ESRRG: variants seen among roughly 807,000 people sequenced by gnomAD.
ESRRG encodes estrogen related receptor gamma.
ESRRG carries 13 observed loss-of-function variants against 44.0 expected under a neutral mutation model. That is an observed-to-expected ratio of 0.30 (90% CI 0.19 to 0.47). The LOEUF is 0.47. Among genes scored for constraint, ESRRG ranks in the 20% least tolerant of loss-of-function variants. ESRRG has a pLI of 1.00. For missense variants in ESRRG, 395 were observed against 580.6 expected (o/e 0.68, Z 3.29); for synonymous variants, 215 against 214.6 (o/e 1.00, Z -0.02).
Position 216,564,605 on chromosome 1 carries a change from T to C in ESRRG, c.701-225A>G, listed in dbSNP as rs546710832. Among the ~76,000 whole-genome samples, 9 of 152,284 alleles carry C rather than the reference T, an allele frequency of 5.9e-5. No homozygotes were observed. The East Asian group carries it at 1.5e-3, about 26-fold the overall frequency. ...AGAATGTAGTCTTTTTTTTTCTTCT[T>C]TGCTCTACCTGCTTTTGCTGGAATG... On this transcript the variant is annotated intron_variant, in intron 4 of 6. Coordinates refer to ENST00000408911, the MANE Select transcript of ESRRG (RefSeq NM_001438.4).
At chr1:216,701,539 T>C (rs2081390328) in intron 1 of ESRRG, 2 of 152,232 alleles carry the variant, frequency 1.3e-5, no homozygotes, top group South Asian at 2.1e-4. Context: ...TTAATCTATA[T>C]GTTTTAAGAA....
chr1:217,024,353 AT>A (rs2080861226), intron 1 of ESRRG, among the ~76,000 whole-genome samples: 1 of 138,220 alleles, frequency 7.2e-6, no homozygotes. Context: ...GCAAGAGTCC[AT>A]TTAAAAAAAA....
At position 216,530,968 on chromosome 1, in the gene ESRRG, C is replaced by T. The variant is rs2049199065; in HGVS notation, c.863-11547G>A. 2.0e-5 allele frequency among the ~76,000 whole-genome samples: 3 copies of T among 151,930 alleles called. No individual in the cohort carries two copies. The South Asian group carries it at 6.2e-4, about 32-fold the overall frequency. ...CTTCAGGTGTGCTTTTCTCAATTTT[C>T]CTAAAATAGAAACTATAACTCAGTG... is the stretch of plus-strand genomic sequence containing the variant. On this transcript the variant is annotated intron_variant, in intron 5 of 6. Transcript: ENST00000408911.
At chr1:216,765,248 A>C (rs576180711) in intron 2 of ESRRG, among the ~76,000 whole-genome samples, 4 of 152,192 alleles carry the variant, frequency 2.6e-5, no homozygotes, top group Admixed American at 2.6e-4. Flanking sequence ...AACATCACAA[A>C]TAAAACAGCT....
chr1:216,552,562 C>T (rs546574356), intron 5 of ESRRG, among the ~76,000 whole-genome samples: 2 of 152,268 alleles, frequency 1.3e-5, no homozygotes, highest in East Asian at 3.9e-4. Flanking sequence ...TCTCAGCAAT[C>T]CATACAGTAG....
chr1:217,070,828 G>T (rs562563424), intron 1 of ESRRG, among the ~76,000 whole-genome samples: 1 of 152,182 alleles, frequency 6.6e-6, no homozygotes. Context: ...GAGTAGAAGA[G>T]TTCACTTGAT....
chr1:216,640,325 T>C (rs1286110063), intron 3 of ESRRG, among the ~76,000 whole-genome samples: 1 of 152,120 alleles, frequency 6.6e-6, no homozygotes, highest in Non-Finnish European at 1.5e-5. Context: ...TAATTGGCTT[T>C]GGGGAAGCCG....
At chr1:217,009,702 CTTTTTTTTTT>C (rs11325118) in intron 1 of ESRRG, among the ~76,000 whole-genome samples, 1 of 106,386 alleles carries the variant, frequency 9.4e-6, no homozygotes, top group Non-Finnish European at 1.9e-5. Flanking sequence ...TTTTCTTTTT[CTTTTTTTTTT>C]TTTTTTTTTT....
intron 5 of ESRRG, among the ~76,000 whole-genome samples, chr1:216,561,491 T>C (rs1270595785): frequency 6.6e-6 from 1 of 152,166 alleles, no homozygotes; most frequent in Non-Finnish European, 1.5e-5. Context: ...GATTGGTTCA[T>C]GTTATCAAGA....
intron 1 of ESRRG, among the ~76,000 whole-genome samples, chr1:217,029,264 T>C (rs2081675068): frequency 6.6e-6 from 1 of 152,134 alleles, no homozygotes; most frequent in Non-Finnish European, 1.5e-5. Flanking sequence ...CATAAAATAA[T>C]AAGAAAAATT....
In ESRRG at chr1:217,118,281, T is replaced by C. The variant is rs1313589167; in HGVS notation, c.-230+19386A>G. Among the ~76,000 whole-genome samples, 5 of 152,208 alleles carry C rather than the reference T, an allele frequency of 3.3e-5. No individual in the cohort carries two copies. In the South Asian group the frequency reaches 6.2e-4, roughly 19 times the overall value. ...GGGCTCTTAACCACTCTACTAAACA[T>C]CTTAATGCAAACACTAGCAGATCCA... On this transcript the variant is annotated intron_variant, in intron 1 of 8. Coordinates refer to the ESRRG transcript ENST00000366940.
intron 2 of ESRRG, among the ~76,000 whole-genome samples, chr1:216,740,589 G>A (rs1419628151): frequency 1.3e-5 from 2 of 151,002 alleles, no homozygotes; most frequent in East Asian, 3.9e-4. Flanking sequence ...AATTTTGGAC[G>A]AGAGAGATTT....
chr1:216,694,079 T>A (rs2079609474), intron 1 of ESRRG, among the ~76,000 whole-genome samples: 1 of 152,204 alleles, frequency 6.6e-6, no homozygotes, highest in African/African-American at 2.4e-5. Context: ...ATAAGATTTT[T>A]AACTGGAAGG....
At chr1:217,052,731 G>A (rs935395985) in intron 1 of ESRRG, among the ~76,000 whole-genome samples, 1 of 152,116 alleles carries the variant, frequency 6.6e-6, no homozygotes, top group African/African-American at 2.4e-5. Flanking sequence ...TCCTATTGGG[G>A]TGAGGGATAA....
At chr1:216,649,651 ACTT>A (rs921108606) in intron 3 of ESRRG, among the ~76,000 whole-genome samples, 2 of 152,106 alleles carry the variant, frequency 1.3e-5, no homozygotes, top group Non-Finnish European at 2.9e-5. Flanking sequence ...AACATTATAC[ACTT>A]CTTTGTGTAT....
At chr1:216,767,569 A>T (rs955454260) in intron 2 of ESRRG, among the ~76,000 whole-genome samples, 10 of 152,156 alleles carry the variant, frequency 6.6e-5, no homozygotes, top group African/African-American at 2.4e-4. Flanking sequence ...TAAGCCTTTG[A>T]TTGCTACTAG....
chr1:216,581,154 T>A lies in ESRRG; in HGVS notation c.590-13056A>T, dbSNP rs566585908. 9.2e-5 allele frequency among the ~76,000 whole-genome samples: 14 copies of A among 152,314 alleles called. No homozygotes were observed. In the South Asian group the frequency reaches 2.9e-3, roughly 32 times the overall value. ...CAACCAAAGAATAGATAATGACTGT[T>A]CTGTTATTTAGCTGAATTCCATCTA... On this transcript the variant is annotated intron_variant, in intron 3 of 6. Transcript: ENST00000408911.
At chr1:217,123,858 C>T (rs149909487) in intron 1 of ESRRG, among the ~76,000 whole-genome samples, 7 of 152,178 alleles carry the variant, frequency 4.6e-5, no homozygotes, top group East Asian at 3.9e-4. Flanking sequence ...CTATGGCACA[C>T]GCTCACCTAC....
At chr1:216,714,789 C>T (rs1205128756) in intron 1 of ESRRG, among the ~76,000 whole-genome samples, 2 of 152,064 alleles carry the variant, frequency 1.3e-5, no homozygotes, top group Non-Finnish European at 2.9e-5. Flanking sequence ...ATCTGTTCTC[C>T]ATTTCTATCT....
Sources: allele counts gnomAD v4.1 joint callset (sites outside exome capture counted in the v4.1 genomes callset), GRCh38; gene constraint gnomAD v4.1.1; transcripts MANE v1.5; gene names NCBI Gene and HGNC (gene_info 2026-07-23, HGNC 2026-07-21).